ALS2: variants seen among roughly 807,000 people sequenced by gnomAD.
ALS2 encodes alsin.
ALS2 carries 117 observed loss-of-function variants against 203.4 expected under a neutral mutation model. The ratio of observed to expected loss-of-function variants is 0.58; its 90% CI spans 0.50 to 0.67. ALS2 has a LOEUF of 0.67. Ranked by LOEUF, ALS2 falls within the 30% of genes least tolerant of loss-of-function variation. ALS2 has a pLI of 0.00. For synonymous variants in ALS2, 718 were observed against 725.9 expected (o/e 0.99, Z 0.17); for missense variants, 1,715 against 1,989.4 (o/e 0.86, Z 2.62).
In ALS2 at chr2:201,739,604, G is replaced by A. The variant is rs192498344; in HGVS notation, c.2352-869C>T. On this transcript the variant is annotated intron_variant, in intron 11 of 33. Coordinates refer to ENST00000264276, the MANE Select transcript of ALS2 (RefSeq NM_020919.4). ...CTAAAACTATAAAAATTAGCTGGGC[G>A]CGGTGGCGGATGCCTGTAATCCCAG... Among the ~76,000 whole-genome samples the A allele has an allele frequency of 3.2e-4, 49 of 152,030 alleles. 1 individual carries two copies. Among genetic ancestry groups the A allele is most frequent in the Middle Eastern group, 3.4e-3 (1 of 294 alleles).
At chr2:201,726,409 T>A (rs1691165969) in intron 19 of ALS2, 75 bp downstream of exon 19, 1 of 1,276,620 alleles carries the variant, frequency 7.8e-7, no homozygotes, top group Non-Finnish European at 1.1e-6. Flanking sequence ...GAAAAGCAGC[T>A]CTGCATACAA....
At chr2:201,721,671 C>CA (rs1574693237) in intron 23 of ALS2, among the ~76,000 whole-genome samples, 1 of 127,464 alleles carries the variant, frequency 7.8e-6, no homozygotes, top group Non-Finnish European at 1.6e-5. Context: ...ATAAAACTTT[C>CA]ATTTTTTTTT....
In ALS2 at chr2:201,701,315, T is replaced by G. The variant is rs1689375697; in HGVS notation, c.*536A>C. On this transcript the variant is annotated 3_prime_UTR_variant, in exon 34 of 34. Transcript: ENST00000264276. ...GTTAAAACTGCAGTTTAAAAGTTCC[T>G]TTCTCCCCTCCCTTGGCAAAGAGAC... 1 of 152,882 alleles carries G rather than the reference T, an allele frequency of 6.5e-6. No homozygotes were observed. 9.5% of individuals were successfully genotyped at this position (152,882 alleles called of 1,614,324 possible). A position where few individuals can be genotyped will look rare whatever the true frequency, so the allele number is the denominator to read the frequency against.
chr2:201,764,686 A>T lies in ALS2; in HGVS notation c.175+2543T>A, dbSNP rs189170959. 4.1e-3 allele frequency among the ~76,000 whole-genome samples: 589 copies of T among 144,146 alleles called. 12 individuals carry two copies. Among genetic ancestry groups the T allele is most frequent in the Admixed American group, 0.03 (435 of 14,644 alleles). The allele number at this position is 144,146 out of a possible 152,430, so 94.6% of individuals were successfully genotyped here. A position where few individuals can be genotyped will look rare whatever the true frequency, so the allele number is the denominator to read the frequency against. On this transcript the variant is annotated intron_variant, in intron 3 of 33. Transcript: ENST00000264276. Reference sequence around the variant, plus strand: ...ATAAATAAATAAATAAATAAATAAAAGTGAATCAATGAGGTATCTTCATTG... The same window carrying T: ...ATAAATAAATAAATAAATAAATAAATGTGAATCAATGAGGTATCTTCATTG...
Position 201,725,453 on chromosome 2 carries a change from A to G in ALS2, c.3250T>C (p.Tyr1084His), listed in dbSNP as rs200140314. 3 of 1,611,258 alleles carry G rather than the reference A, an allele frequency of 1.9e-6. No homozygotes were observed. The highest frequency in any genetic ancestry group is 1.7e-5 in the Admixed American group (1 of 59,956). Residue 1084 changes from tyrosine (Y) to histidine (H), a missense_variant and splice_region_variant, in exon 20 of 34, where the codon TAT (tyrosine) becomes CAT (histidine). Around this residue, in one of 3 missense-constraint regions of ALS2, gnomAD observed 1,227 missense variants for 1,413.5 expected, o/e 0.87. Coordinates refer to ENST00000264276, the MANE Select transcript of ALS2 (RefSeq NM_020919.4). ...TTGTTTGGGATTCTGTATTCTCCATACCTGCCATGAAAAAGAAAAAATAAC... is the reference window on the plus strand; with the variant it reads ...TTGTTTGGGATTCTGTATTCTCCATGCCTGCCATGAAAAAGAAAAAATAAC... ...GMFRNGLEDG[Y>H]GEYRIPNKAM...
intron 10 of ALS2, among the ~76,000 whole-genome samples, chr2:201,743,083 A>AG (rs1416876496): frequency 1.2e-4 from 18 of 151,544 alleles, no homozygotes; most frequent in South Asian, 2.1e-4. Flanking sequence ...AAAAAAAAAA[A>AG]AAAGAAAGAA....
At chr2:201,707,147 T>C (rs1273074046) in intron 28 of ALS2, 125 bp from the exon 29 acceptor site, 1 of 834,658 alleles carries the variant, frequency 1.2e-6, no homozygotes, top group Non-Finnish European at 1.9e-6. Context: ...GAAGTTATAA[T>C]ATTACTCTGC....
intron 6 of ALS2, 127 bp from the exon 7 acceptor site, chr2:201,753,369 A>T: frequency 1.3e-6 from 1 of 774,918 alleles, no homozygotes; most frequent in Non-Finnish European, 2.2e-6. Flanking sequence ...AATAAACATA[A>T]TGGATATATG....
intron 9 of ALS2, among the ~76,000 whole-genome samples, chr2:201,744,936 G>C (rs1692533243): frequency 6.6e-6 from 1 of 152,158 alleles, no homozygotes; most frequent in Non-Finnish European, 1.5e-5. Flanking sequence ...ACAATGAAAA[G>C]AGATTTTCTT....
intron 9 of ALS2, among the ~76,000 whole-genome samples, chr2:201,744,648 G>A (rs551851966): frequency 2.6e-5 from 4 of 151,998 alleles, no homozygotes; most frequent in East Asian, 1.9e-4. Flanking sequence ...CGTCGGGGTC[G>A]CTTTTTTTTA....
intron 3 of ALS2, chr2:201,763,642 T>C (rs918098661): frequency 5.4e-5 from 9 of 165,246 alleles, no homozygotes; most frequent in Non-Finnish European, 6.6e-5. Flanking sequence ...AAGCAAATCA[T>C]CACAACAGAA....
intron 1 of ALS2, among the ~76,000 whole-genome samples, chr2:201,777,162 T>G (rs1452850484): frequency 6.6e-6 from 1 of 152,146 alleles, no homozygotes; most frequent in Non-Finnish European, 1.5e-5. Context: ...GGCCTTATTA[T>G]ACAACTTGCT....
intron 8 of ALS2, 85 bp downstream of exon 8, chr2:201,749,627 G>C (rs1432882509): frequency 3.1e-6 from 4 of 1,290,454 alleles, no homozygotes; most frequent in South Asian, 2.5e-5. Flanking sequence ...AAATTCCCCC[G>C]ATATTTTAAA....
chr2:201,752,528 T>C (rs17469413), intron 7 of ALS2, among the ~76,000 whole-genome samples: 6 of 152,208 alleles, frequency 3.9e-5, no homozygotes, highest in African/African-American at 1.2e-4. Flanking sequence ...TAGCCTAGTA[T>C]GTGAAATGTG....
intron 3 of ALS2, chr2:201,765,664 T>G (rs1397113324): frequency 6.0e-6 from 1 of 167,038 alleles, no homozygotes; most frequent in Non-Finnish European, 1.5e-5. Flanking sequence ...GAGCAGAAAT[T>G]TATAAATTAG....
chr2:201,764,658 TAA>T (rs1290151719), intron 3 of ALS2, among the ~76,000 whole-genome samples: 5 of 150,486 alleles, frequency 3.3e-5, no homozygotes, highest in Admixed American at 6.6e-5. Flanking sequence ...AATAAATAAA[TAA>T]ATAAATAAAT....
rs1399707459 is a variant in ALS2 at position 201,761,726 on chromosome 2, C to T, written c.268G>A (p.Gly90Arg). 1.2e-6 allele frequency: 2 copies of T among 1,613,942 alleles called. No homozygotes were observed. The highest frequency in any genetic ancestry group is 2.7e-5 in the African/African-American group (2 of 74,864). The change falls in exon 4 of 34, where the codon GGG becomes AGG. Residue 90 changes from glycine to arginine, a missense_variant. This residue lies in a region of ALS2 where 476 missense variants were observed against 539.3 expected (regional missense o/e 0.88). Coordinates refer to ENST00000264276, the MANE Select transcript of ALS2 (RefSeq NM_020919.4). The part of the protein sequence containing the change: ...SSPILENALV[G>R]QYVITVATGS... ...GTTGCCACAGTAATAACATATTGCC[C>T]AACCAGGGCATTTTCTAGAATGGGG...
chr2:201,710,901 T>A (rs928875912), intron 26 of ALS2, 90 bp downstream of exon 26: 3 of 850,130 alleles, frequency 3.5e-6, no homozygotes, highest in Non-Finnish European at 6.0e-6. Flanking sequence ...AGGATTAGAA[T>A]AACATTAAGC....
intron 1 of ALS2, among the ~76,000 whole-genome samples, chr2:201,775,277 T>G (rs945514368): frequency 1.3e-5 from 2 of 152,184 alleles, no homozygotes; most frequent in African/African-American, 4.8e-5. Context: ...TGGTTACATT[T>G]TATTACAATG....
Sources: allele counts gnomAD v4.1 joint callset (sites outside exome capture counted in the v4.1 genomes callset), GRCh38; gene constraint gnomAD v4.1.1; regional missense constraint gnomAD v4.1.1; transcripts MANE v1.5; gene names NCBI Gene and HGNC (gene_info 2026-07-23, HGNC 2026-07-21).